STK25: variants seen among roughly 807,000 people sequenced by gnomAD.
The protein encoded by STK25 is serine/threonine-protein kinase 25.
In STK25, 29 loss-of-function variants were observed where a neutral mutation model predicts 53.8. The observed-to-expected ratio is 0.54, with a 90% CI of 0.40 to 0.74. The LOEUF (loss-of-function observed/expected upper bound fraction) is 0.74, where lower values mean the gene tolerates loss of function less well. Among genes scored for constraint, STK25 ranks in the 30% least tolerant of loss-of-function variants. The probability of loss-of-function intolerance (pLI) is 0.00; values close to 1 mark genes in which losing one functional copy is unlikely to be tolerated. For missense variants in STK25, 420 were observed against 568.0 expected (o/e 0.74, Z 2.65); for synonymous variants, 247 against 238.3 (o/e 1.04, Z -0.33).
chr2:241,508,139 C>A lies in STK25; in HGVS notation c.-100-4G>T, dbSNP rs2065964732. ...TCGCCCCTGCGGCGTCAGTCCACTGCGAGGGACACCAGGGGCGCTCGGTGC... is the reference window on the plus strand; with the variant it reads ...TCGCCCCTGCGGCGTCAGTCCACTGAGAGGGACACCAGGGGCGCTCGGTGC... On this transcript the variant is annotated splice_polypyrimidine_tract_variant and splice_region_variant and intron_variant, in intron 1 of 11. Transcript: ENST00000316586. 2.7e-6 allele frequency: 4 copies of A among 1,501,972 alleles called. No individual in the cohort carries two copies. The highest frequency in any genetic ancestry group is 3.5e-6 in the Non-Finnish European group (4 of 1,127,432). 93.0% of individuals were successfully genotyped at this position (1,501,972 alleles called of 1,614,324 possible). A position where few individuals can be genotyped will look rare whatever the true frequency, so the allele number is the denominator to read the frequency against.
In STK25 at chr2:241,495,603, T is replaced by TA; in HGVS notation, c.*58dup. ...GCACCTTCCAAGTCAGCACAGTTCT[T>TA]ATGGAGCTCAGAACAAAAACAAACG... On this transcript the variant is annotated 3_prime_UTR_variant, in exon 12 of 12. Coordinates refer to ENST00000316586, the MANE Select transcript of STK25 (RefSeq NM_001271977.2). 1.3e-6 allele frequency: 2 copies of TA among 1,586,816 alleles called. No individual in the cohort carries two copies. The highest frequency in any genetic ancestry group is 4.5e-5 in the East Asian group (2 of 44,742).
At chr2:241,507,389 C>A (rs1287627703) in intron 2 of STK25, among the ~76,000 whole-genome samples, 1 of 152,250 alleles carries the variant, frequency 6.6e-6, no homozygotes, top group African/African-American at 2.4e-5. Context: ...GAAACGACTT[C>A]TTTAAAGAAG....
intron 2 of STK25, among the ~76,000 whole-genome samples, chr2:241,505,587 G>A (rs2065775564): frequency 6.6e-6 from 1 of 152,186 alleles, no homozygotes; most frequent in African/African-American, 2.4e-5. Context: ...CTCCACACAG[G>A]GCCTGGAGCT....
upstream of STK25, chr2:241,508,709 C>G: frequency 1.0e-6 from 1 of 985,008 alleles, no homozygotes; most frequent in Non-Finnish European, 1.2e-6. Flanking sequence ...TCCCGGCAGG[C>G]TGCGCGAGAG....
intron 2 of STK25, chr2:241,503,912 G>A (rs2065662349): frequency 2.3e-6 from 1 of 427,880 alleles, no homozygotes; most frequent in Non-Finnish European, 4.9e-6. Flanking sequence ...CCCAGCGGAG[G>A]AGCTGGCTGA....
In STK25 at chr2:241,493,763, A is replaced by ATTTT. The variant is rs2065022625; in HGVS notation, c.*1895_*1898dup. 1 of 469,304 alleles carries ATTTT rather than the reference A, an allele frequency of 2.1e-6. No homozygotes were observed. The highest frequency in any genetic ancestry group is 2.0e-5 in the African/African-American group (1 of 50,776). 29.1% of individuals were successfully genotyped at this position (469,304 alleles called of 1,614,324 possible). A position where few individuals can be genotyped will look rare whatever the true frequency, so the allele number is the denominator to read the frequency against. ...GCATGCACGCCACGCCGCCTGGCTA[A>ATTTT]TTTTTGTATTTTTAGTAGAGACAGG... On this transcript the variant is annotated 3_prime_UTR_variant, in exon 12 of 12. Transcript: ENST00000316586.
In STK25 at chr2:241,500,738, AC is replaced by A; in HGVS notation, c.318+1del. On this transcript the variant is annotated splice_donor_variant, in intron 4 of 11. Coordinates refer to ENST00000316586, the MANE Select transcript of STK25 (RefSeq NM_001271977.2). LOFTEE classifies it high-confidence loss of function. ...CCCCCACTGCCATGGCCTATGCCTC[AC>A]CAAGTCCAGTGCTGAGCCGCCGCCC... is the stretch of plus-strand genomic sequence containing the variant. The A allele has an allele frequency of 6.2e-7, 1 of 1,613,798 alleles. No homozygotes were observed. Among genetic ancestry groups the A allele is most frequent in the Non-Finnish European group, 8.5e-7 (1 of 1,179,900 alleles).
chr2:241,508,454 T>C lies in STK25; in HGVS notation c.-112A>G. ...GGCAGCGCGCCCACCTCCGCGGGGC[T>C]CCATCCCGGCCTCCCCCGGCCCGCT... On this transcript the variant is annotated 5_prime_UTR_variant, in exon 1 of 12. Coordinates refer to ENST00000316586, the MANE Select transcript of STK25 (RefSeq NM_001271977.2). 1 of 1,078,382 alleles carries C rather than the reference T, an allele frequency of 9.3e-7. No individual in the cohort carries two copies. The highest frequency in any genetic ancestry group is 1.1e-6 in the Non-Finnish European group (1 of 885,060). The allele number at this position is 1,078,382 out of a possible 1,614,324, so 66.8% of individuals were successfully genotyped here. A position where few individuals can be genotyped will look rare whatever the true frequency, so the allele number is the denominator to read the frequency against.
rs201274231 is a variant in STK25, at chr2:241,501,729, C to G, written c.31-21G>C. On this transcript the variant is annotated intron_variant, in intron 2 of 11. Coordinates refer to ENST00000316586, the MANE Select transcript of STK25 (RefSeq NM_001271977.2). The surrounding 1 kb of genome is among the most constrained non-coding windows in gnomAD (Gnocchi z 5.3). ...GAGTGCTGTGGGGCCAGGGCGGGGA[C>G]AGAGGGCAGACAGCGCCGGTCACAA... 1 of 1,595,156 alleles carries G rather than the reference C, an allele frequency of 6.3e-7. No individual in the cohort carries two copies. Among genetic ancestry groups the G allele is most frequent in the Non-Finnish European group, 8.6e-7 (1 of 1,165,918 alleles).
Position 241,494,035 on chromosome 2 carries a change from C to G in STK25, c.*1627G>C, listed in dbSNP as rs2065035200. On this transcript the variant is annotated 3_prime_UTR_variant, in exon 12 of 12. Transcript: ENST00000316586. This position sits in a 1 kb window ranked among gnomAD's most constrained non-coding sequence, Gnocchi z 4.9. ...GGATGGAGGTGATCCAGGGGGCCAG[C>G]AGCTCAGCCGGGAGGGCCCCAAGCA... The G allele has an allele frequency of 7.1e-7, 1 of 1,407,120 alleles. No individual in the cohort carries two copies. Among genetic ancestry groups the G allele is most frequent in the African/African-American group, 1.5e-5 (1 of 67,112 alleles). The allele number at this position is 1,407,120 out of a possible 1,614,324, so 87.2% of individuals were successfully genotyped here.
In STK25 at chr2:241,499,119, G is replaced by C. The variant is rs2065357400; in HGVS notation, c.641C>G (p.Pro214Arg). Reference sequence around the variant, plus strand: ...GCGCATGGGGTGGAGGTCAGAGTTTGGAGGCTCCCCCTTGGCCAGCTCGAT... The same window carrying C: ...GCGCATGGGGTGGAGGTCAGAGTTTCGAGGCTCCCCCTTGGCCAGCTCGAT... The part of the protein sequence containing the change: ...TAIELAKGEP[P>R]NSDLHPMRVL... The change falls in exon 7 of 12, where the codon CCA becomes CGA. Residue 214 changes from proline to arginine, a missense_variant. By Grantham distance (103) the Pro-to-Arg change is moderately radical. Transcript: ENST00000316586. The C allele has an allele frequency of 6.2e-7, 1 of 1,613,900 alleles. No homozygotes were observed.
In STK25 at chr2:241,495,407, G is replaced by C; in HGVS notation, c.*255C>G. On this transcript the variant is annotated 3_prime_UTR_variant, in exon 12 of 12. Transcript: ENST00000316586. Reference sequence around the variant, plus strand: ...GGCCACGCCGGCGGCTGGAGCCCCCGTGAGCAATACTGCTGGGCCAGGAGA... The same window carrying C: ...GGCCACGCCGGCGGCTGGAGCCCCCCTGAGCAATACTGCTGGGCCAGGAGA... 2.0e-6 allele frequency: 1 copy of C among 507,216 alleles called. No individual in the cohort carries two copies. The allele number at this position is 507,216 out of a possible 1,614,324, so 31.4% of individuals were successfully genotyped here. A position where few individuals can be genotyped will look rare whatever the true frequency, so the allele number is the denominator to read the frequency against.
rs1182205428 is a variant in STK25 at position 241,498,672 on chromosome 2, T to C, written c.884A>G (p.His295Arg). Residue 295 changes from histidine to arginine, a missense_variant, in exon 8 of 12, where the codon CAT (histidine) becomes CGT (arginine). Coordinates refer to ENST00000316586, the MANE Select transcript of STK25 (RefSeq NM_001271977.2). ...GTCCTCAGAGCTGGACTCCTCGCCA[T>C]GCCCCTCTGACTTCCAGCGCTTATA... ...DRYKRWKSEG[H>R]GEESSSEDSD... The C allele has an allele frequency of 6.2e-7, 1 of 1,613,938 alleles. No individual in the cohort carries two copies. Among genetic ancestry groups the C allele is most frequent in the East Asian group, 2.2e-5 (1 of 44,898 alleles).
rs763924092 is a variant in STK25 at position 241,493,488 on chromosome 2, G to A, written c.*2174C>T. ...GCCCTGGTCAGCTGCCCATTTCGAT[G>A]TCCGCTCAGCTCCCATTTCTACTCA... On this transcript the variant is annotated 3_prime_UTR_variant, in exon 12 of 12. Coordinates refer to ENST00000316586, the MANE Select transcript of STK25 (RefSeq NM_001271977.2). 64 of 1,591,178 alleles carry A rather than the reference G, an allele frequency of 4.0e-5. 2 individuals carry two copies. The South Asian group carries it at 5.2e-4, about 13-fold the overall frequency.
intron 5 of STK25, chr2:241,499,954 C>G: frequency 1.5e-6 from 1 of 652,704 alleles, no homozygotes; most frequent in Non-Finnish European, 2.8e-6. Flanking sequence ...TTCCTACACT[C>G]AGTCCACAGC....
At position 241,493,126 on chromosome 2, in the gene STK25, C is replaced by A; in HGVS notation, c.*2536G>T. 8.8e-7 allele frequency: 1 copy of A among 1,137,524 alleles called. No individual in the cohort carries two copies. Among genetic ancestry groups the A allele is most frequent in the South Asian group, 1.3e-5 (1 of 77,974 alleles). The allele number at this position is 1,137,524 out of a possible 1,614,324, so 70.5% of individuals were successfully genotyped here. ...CCTGTGTCCCTTTTGTATTTTGGTT[C>A]TGCCCTCCCATGCTTTGCCCACACA... On this transcript the variant is annotated 3_prime_UTR_variant, in exon 12 of 12. Coordinates refer to ENST00000316586, the MANE Select transcript of STK25 (RefSeq NM_001271977.2).
Position 241,494,076 on chromosome 2 carries a change from C to T in STK25, c.*1586G>A. ...GCCCCAAGCATCGTGCAGGATGGCCCCCAACCCTCCTCAGGGCTGGAGGGG... is the reference window on the plus strand; with the variant it reads ...GCCCCAAGCATCGTGCAGGATGGCCTCCAACCCTCCTCAGGGCTGGAGGGG... On this transcript the variant is annotated 3_prime_UTR_variant, in exon 12 of 12. Coordinates refer to ENST00000316586, the MANE Select transcript of STK25 (RefSeq NM_001271977.2). The surrounding 1 kb of genome is among the most constrained non-coding windows in gnomAD (Gnocchi z 4.9). The T allele has an allele frequency of 6.9e-7, 1 of 1,448,526 alleles. No individual in the cohort carries two copies. Among genetic ancestry groups the T allele is most frequent in the Non-Finnish European group, 9.1e-7 (1 of 1,104,626 alleles). The allele number at this position is 1,448,526 out of a possible 1,614,324, so 89.7% of individuals were successfully genotyped here.
intron 2 of STK25, among the ~76,000 whole-genome samples, chr2:241,503,018 CCA>C (rs982430744): frequency 7.2e-5 from 11 of 152,100 alleles, no homozygotes; most frequent in African/African-American, 2.7e-4. Flanking sequence ...TGGCCCAGGC[CCA>C]GAGTCCAGGG....
chr2:241,494,073 G>GC lies in STK25; in HGVS notation c.*1588dup, dbSNP rs754634487. 1.4e-6 allele frequency: 2 copies of GC among 1,445,372 alleles called. No individual in the cohort carries two copies. Among genetic ancestry groups the GC allele is most frequent in the African/African-American group, 3.0e-5 (2 of 67,284 alleles). 89.5% of individuals were successfully genotyped at this position (1,445,372 alleles called of 1,614,324 possible). On this transcript the variant is annotated 3_prime_UTR_variant, in exon 12 of 12. Transcript: ENST00000316586. This position sits in a 1 kb window ranked among gnomAD's most constrained non-coding sequence, Gnocchi z 4.9. ...AGGGCCCCAAGCATCGTGCAGGATGGCCCCCAACCCTCCTCAGGGCTGGAG... is the reference window on the plus strand; with the variant it reads ...AGGGCCCCAAGCATCGTGCAGGATGGCCCCCCAACCCTCCTCAGGGCTGGAG...
Sources: allele counts gnomAD v4.1 joint callset (sites outside exome capture counted in the v4.1 genomes callset), GRCh38; gene constraint gnomAD v4.1.1; non-coding constraint Gnocchi (gnomAD v3.1); transcripts MANE v1.5; gene names NCBI Gene and HGNC (gene_info 2026-07-23, HGNC 2026-07-21).